ATG2B: variants seen among roughly 807,000 people sequenced by gnomAD.
The protein encoded by ATG2B is autophagy-related protein 2 homolog B.
Under a neutral mutation model 241.3 loss-of-function variants are expected in ATG2B, and 121 were observed. That is an observed-to-expected ratio of 0.50 (90% confidence interval 0.43 to 0.58). The LOEUF (loss-of-function observed/expected upper bound fraction) is 0.58. ATG2B is among the 20% of genes least tolerant of loss of function. The probability of loss-of-function intolerance (pLI) is 0.00; values close to 1 mark genes in which losing one functional copy is unlikely to be tolerated. For synonymous variants in ATG2B, 858 were observed against 876.6 expected (o/e 0.98, Z 0.37); for missense variants, 2,306 against 2,491.6 (o/e 0.93, Z 1.59).
intron 1 of ATG2B, 21 bp downstream of exon 1, chr14:96,362,794 C>A (rs1261029316): frequency 6.3e-7 from 1 of 1,584,206 alleles, no homozygotes; most frequent in South Asian, 1.1e-5. Context: ...CCCCGCCCGG[C>A]TCGCCGCCGG....
chr14:96,329,276 T>A, intron 12 of ATG2B, among the ~76,000 whole-genome samples: 1 of 152,184 alleles, frequency 6.6e-6, no homozygotes, highest in Admixed American at 6.5e-5. Flanking sequence ...ACAAGTCAAC[T>A]CTAATTTAAA....
Position 96,328,536 on chromosome 14 carries a change from C to CT in ATG2B, c.1975-2dup. The CT allele has an allele frequency of 2.5e-6, 4 of 1,580,502 alleles. No individual in the cohort carries two copies. The highest frequency in any genetic ancestry group is 3.4e-6 in the Non-Finnish European group (4 of 1,169,236). ...CTGAACTAAGTCTTGCTTGATTACCCTTTTAAAAAAAAAAAAGAAAAGGCA... is the reference window on the plus strand; with the variant it reads ...CTGAACTAAGTCTTGCTTGATTACCCTTTTTAAAAAAAAAAAAGAAAAGGCA... On this transcript the variant is annotated splice_acceptor_variant, in intron 13 of 41. Coordinates refer to ENST00000359933, the MANE Select transcript of ATG2B (RefSeq NM_018036.7). LOFTEE classifies it high-confidence loss of function.
At chr14:96,295,709 T>A (rs1441572679) in intron 34 of ATG2B, 149 bp from the exon 35 acceptor site, 2 of 339,532 alleles carry the variant, frequency 5.9e-6, no homozygotes, top group Non-Finnish European at 1.1e-5. Flanking sequence ...CTAGTCATTA[T>A]TCCTATTCTT....
Position 96,282,250 on chromosome 14 carries a change from T to C in ATG2B, c.*3505A>G, listed in dbSNP as rs1054444332. 16 of 152,376 alleles carry C rather than the reference T, an allele frequency of 1.1e-4. No homozygotes were observed. The highest frequency in any genetic ancestry group is 7.3e-5 in the Non-Finnish European group (5 of 68,038). The allele number at this position is 152,376 out of a possible 1,614,324, so 9.4% of individuals were successfully genotyped here. A position where few individuals can be genotyped will look rare whatever the true frequency, so the allele number is the denominator to read the frequency against. On this transcript the variant is annotated 3_prime_UTR_variant, in exon 42 of 42. Transcript: ENST00000359933. ...TTATATTTGATTTTATTCTATTTGA[T>C]ACCAATTGGTATGTCCAGCTGATGC...
chr14:96,342,998 T>C, intron 5 of ATG2B, 121 bp downstream of exon 5: 1 of 661,574 alleles, frequency 1.5e-6, no homozygotes, highest in East Asian at 3.0e-5. Context: ...AATATTTGCA[T>C]TAAATCTCAA....
chr14:96,289,224 T>C lies in ATG2B; in HGVS notation c.6006+432A>G, dbSNP rs141737941. ...AAAATACATACATAATAAAACTATA[T>C]AAAAACATGTACAAAAAAATATGTT... On this transcript the variant is annotated intron_variant, in intron 41 of 41. Coordinates refer to ENST00000359933, the MANE Select transcript of ATG2B (RefSeq NM_018036.7). This position sits in a 1 kb window ranked among gnomAD's most constrained non-coding sequence, Gnocchi z 4.3. Among the ~76,000 whole-genome samples the C allele has an allele frequency of 9.1e-4, 139 of 152,274 alleles. 3 individuals carry two copies. Among genetic ancestry groups the C allele is most frequent in the African/African-American group, 3.1e-3 (127 of 41,562 alleles).
chr14:96,335,408 T>C (rs1887844142), intron 6 of ATG2B, among the ~76,000 whole-genome samples: 1 of 152,206 alleles, frequency 6.6e-6, no homozygotes, highest in African/African-American at 2.4e-5. Flanking sequence ...TTGAGAAATT[T>C]CGATGACCTA....
At chr14:96,341,406 G>A (rs1888030907) in intron 6 of ATG2B, 116 bp downstream of exon 6, 1 of 751,772 alleles carries the variant, frequency 1.3e-6, no homozygotes, top group Non-Finnish European at 2.0e-6. Flanking sequence ...CTCGGTGACA[G>A]CAGTACACTA....
chr14:96,296,068 C>T (rs1886632032), intron 34 of ATG2B, among the ~76,000 whole-genome samples: 1 of 152,212 alleles, frequency 6.6e-6, no homozygotes, highest in Non-Finnish European at 1.5e-5. Context: ...ATTCTCCTGC[C>T]TCAGCCTCCC....
chr14:96,303,309 A>C (rs1886848168), intron 32 of ATG2B, 54 bp from the exon 33 acceptor site: 1 of 1,353,902 alleles, frequency 7.4e-7, no homozygotes, highest in East Asian at 2.7e-5. Context: ...CCTTTTATTA[A>C]ATTGTATTTT....
At chr14:96,360,149 G>C (rs930666206) in intron 1 of ATG2B, among the ~76,000 whole-genome samples, 1 of 152,160 alleles carries the variant, frequency 6.6e-6, no homozygotes, top group Non-Finnish European at 1.5e-5. Context: ...TTCTCCTATG[G>C]CCAAGTGTTT....
intron 1 of ATG2B, among the ~76,000 whole-genome samples, chr14:96,355,675 T>G (rs181518398): frequency 6.6e-6 from 1 of 152,280 alleles, no homozygotes; most frequent in Admixed American, 6.5e-5. Context: ...TTGGTCTTTA[T>G]CTTTCACAGT....
chr14:96,341,371 C>A, intron 6 of ATG2B, 151 bp downstream of exon 6: 1 of 516,410 alleles, frequency 1.9e-6, no homozygotes, highest in Non-Finnish European at 3.1e-6. Context: ...AGGATAGAAG[C>A]ATCAACTGAG....
rs1012598323 is a variant in ATG2B at position 96,363,339 on chromosome 14, T to G, written c.-363A>C. The G allele has an allele frequency of 4.1e-6, 1 of 245,660 alleles. No individual in the cohort carries two copies. Among genetic ancestry groups the G allele is most frequent in the African/African-American group, 2.4e-5 (1 of 42,086 alleles). 15.2% of individuals were successfully genotyped at this position (245,660 alleles called of 1,614,324 possible). Reference sequence around the variant, plus strand: ...GTCATCCGCGAGGCGCGTTCCCGGCTGTAGGGACGCTCCTGGCGCGTTCAC... The same window carrying G: ...GTCATCCGCGAGGCGCGTTCCCGGCGGTAGGGACGCTCCTGGCGCGTTCAC... On this transcript the variant is annotated 5_prime_UTR_variant, in exon 1 of 42. Coordinates refer to ENST00000359933, the MANE Select transcript of ATG2B (RefSeq NM_018036.7).
chr14:96,302,095 G>C lies in ATG2B; in HGVS notation c.5051C>G (p.Ala1684Gly), dbSNP rs1362699853. Residue 1684 changes from alanine (A) to glycine (G), a missense_variant, in exon 34 of 42, where the codon GCC becomes GGC. Physicochemically the swap from Ala to Gly is moderately conservative, Grantham distance 60. Around this residue, in one of 2 missense-constraint regions of ATG2B, gnomAD observed 1,927 missense variants for 2,011.2 expected, o/e 0.96. Coordinates refer to ENST00000359933, the MANE Select transcript of ATG2B (RefSeq NM_018036.7). ...GCCAGATTCTGGACACACGTGTAAG[G>C]CTTTCACTGTCAACTACAAGGCAAG... is the stretch of plus-strand genomic sequence containing the variant. ...KAHSNMLTVK[A>G]LHVCPESGRS... The C allele has an allele frequency of 6.2e-7, 1 of 1,612,300 alleles. No individual in the cohort carries two copies. The highest frequency in any genetic ancestry group is 1.1e-5 in the South Asian group (1 of 90,974).
At chr14:96,337,289 G>A (rs1025253275) in intron 6 of ATG2B, among the ~76,000 whole-genome samples, 1 of 152,166 alleles carries the variant, frequency 6.6e-6, no homozygotes, top group Non-Finnish European at 1.5e-5. Context: ...GTTTTATAGA[G>A]ATTATGTAGA....
At chr14:96,325,518 C>T (rs921748685) in intron 15 of ATG2B, 131 bp downstream of exon 15, 4 of 818,738 alleles carry the variant, frequency 4.9e-6, no homozygotes, top group Admixed American at 2.9e-5. Flanking sequence ...GACATTGTTG[C>T]TGTTGATTTT....
In ATG2B at chr14:96,313,268, T is replaced by G; in HGVS notation, c.3749+61A>C. ...ACCTTAACTCTACTGAATTATGTAT[T>G]TTTTTCAAAATTTAGTAGCATTTTA... On this transcript the variant is annotated intron_variant, in intron 24 of 41. Coordinates refer to ENST00000359933, the MANE Select transcript of ATG2B (RefSeq NM_018036.7). The G allele has an allele frequency of 4.2e-6, 6 of 1,419,578 alleles. No individual in the cohort carries two copies. In the South Asian group the frequency reaches 6.3e-5, roughly 15 times the overall value. The allele number at this position is 1,419,578 out of a possible 1,614,324, so 87.9% of individuals were successfully genotyped here. A position where few individuals can be genotyped will look rare whatever the true frequency, so the allele number is the denominator to read the frequency against.
intron 1 of ATG2B, among the ~76,000 whole-genome samples, chr14:96,352,652 C>T (rs1231272523): frequency 1.3e-5 from 2 of 150,718 alleles, no homozygotes; most frequent in African/African-American, 4.9e-5. Context: ...ATGCTTATAG[C>T]ATAAGAATAT....
Sources: allele counts gnomAD v4.1 joint callset (sites outside exome capture counted in the v4.1 genomes callset), GRCh38; gene constraint gnomAD v4.1.1; regional missense constraint gnomAD v4.1.1; non-coding constraint Gnocchi (gnomAD v3.1); transcripts MANE v1.5; gene names NCBI Gene and HGNC (gene_info 2026-07-23, HGNC 2026-07-21).